Variants in MED12L observed in about 807,000 individuals in gnomAD.
The protein encoded by MED12L is mediator of RNA polymerase II transcription subunit 12-like protein.
In MED12L, 60 loss-of-function variants were observed where a neutral mutation model predicts 281.3. The ratio of observed to expected loss-of-function variants is 0.21; its 90% CI spans 0.17 to 0.26. MED12L has a LOEUF of 0.26. Ranked by LOEUF, MED12L falls within the 10% of genes least tolerant of loss-of-function variation. The pLI, the probability that MED12L is intolerant of heterozygous loss-of-function variation, is 1.00. For synonymous variants in MED12L, 974 were observed against 987.2 expected, an observed-to-expected ratio of 0.99 and a Z score of 0.25; for missense variants, 2,146 against 2,680.9, an observed-to-expected ratio of 0.80 and a Z score of 4.41.
intron 2 of MED12L, among the ~76,000 whole-genome samples, chr3:151,111,523 C>T (rs1711893775): frequency 6.6e-6 from 1 of 152,168 alleles, no homozygotes; most frequent in Non-Finnish European, 1.5e-5. Flanking sequence ...ATTGCAGACC[C>T]TGGGCTCTTA....
At chr3:151,185,240 A>C (rs1723119923) in intron 11 of MED12L, 90 bp from the exon 12 acceptor site, 1 of 1,256,382 alleles carries the variant, frequency 8.0e-7, no homozygotes, top group East Asian at 2.5e-5. Flanking sequence ...AAAGCTTTAA[A>C]GTGTTAGATA....
chr3:151,382,178 G>T (rs554985459), intron 32 of MED12L, among the ~76,000 whole-genome samples: 1 of 151,982 alleles, frequency 6.6e-6, no homozygotes, highest in Non-Finnish European at 1.5e-5. Context: ...TCAAAGTACC[G>T]TGCGTTCTCT....
At chr3:151,238,978 T>C (rs1445090343) in intron 16 of MED12L, among the ~76,000 whole-genome samples, 1 of 152,176 alleles carries the variant, frequency 6.6e-6, no homozygotes, top group Non-Finnish European at 1.5e-5. Context: ...CTGAATGAAC[T>C]GAGAGACAAT....
intron 26 of MED12L, among the ~76,000 whole-genome samples, chr3:151,371,113 G>T (rs772241504): frequency 2.2e-4 from 33 of 152,134 alleles, no homozygotes; most frequent in Non-Finnish European, 4.1e-4. Flanking sequence ...CTCCTAGTAT[G>T]GGGCTAGCAG....
At chr3:151,181,576 C>CTTTTTTTTTTT (rs57658133) in intron 11 of MED12L, among the ~76,000 whole-genome samples, 4 of 47,078 alleles carry the variant, frequency 8.5e-5, no homozygotes, top group Non-Finnish European at 8.3e-5. Context: ...AGCTCATTGT[C>CTTTTTTTTTTT]TTTTTTTTTT....
chr3:151,397,855 A>G (rs1715182362), intron 39 of MED12L, among the ~76,000 whole-genome samples: 1 of 152,200 alleles, frequency 6.6e-6, no homozygotes, highest in Non-Finnish European at 1.5e-5. Context: ...AAATATAACA[A>G]ACATATTAGA....
chr3:151,334,279 A>G (rs1750714582), intron 16 of MED12L, among the ~76,000 whole-genome samples: 1 of 141,994 alleles, frequency 7.0e-6, no homozygotes, highest in South Asian at 2.1e-4. Flanking sequence ...GCGATTTCTC[A>G]CTACCTATTG....
intron 16 of MED12L, among the ~76,000 whole-genome samples, chr3:151,288,209 T>C (rs1743800945): frequency 6.6e-6 from 1 of 152,270 alleles, no homozygotes. Flanking sequence ...CTTTATAGCA[T>C]GCAAAGTATG....
At chr3:151,377,462 T>C (rs1467104309) in intron 30 of MED12L, among the ~76,000 whole-genome samples, 1 of 152,202 alleles carries the variant, frequency 6.6e-6, no homozygotes, top group African/African-American at 2.4e-5. Flanking sequence ...ATTCATTATA[T>C]GGGAAACGCT....
intron 2 of MED12L, among the ~76,000 whole-genome samples, chr3:151,109,088 C>T (rs187424568): frequency 3.9e-3 from 592 of 150,378 alleles, no homozygotes; most frequent in African/African-American, 8.9e-3. Context: ...GATGGAGTCT[C>T]GCTCTGTCGC....
rs63035061 is a variant in MED12L, at chr3:151,273,227, CT to C, written c.2251-76811del. ...TGACAGCAATAAACATTGTTGTGTT[CT>C]TTTTTTTTTTTTTTTTTTTTGAGAT... On this transcript the variant is annotated intron_variant, in intron 16 of 44. Coordinates refer to ENST00000687756, the MANE Select transcript of MED12L (RefSeq NM_001393769.1). Among the ~76,000 whole-genome samples the C allele has an allele frequency of 7.8e-3, 826 of 106,162 alleles. 3 individuals are homozygous for C. The highest frequency in any genetic ancestry group is 0.022 in the African/African-American group (646 of 28,860). The allele number at this position is 106,162 out of a possible 152,430, so 69.6% of individuals were successfully genotyped here.
intron 6 of MED12L, 78 bp from the exon 7 acceptor site, chr3:151,158,611 T>G (rs1719589160): frequency 1.2e-6 from 1 of 865,748 alleles, no homozygotes; most frequent in South Asian, 1.5e-5. Flanking sequence ...ACAGTTAGAC[T>G]TAAGCATAAG....
chr3:151,220,666 G>C (rs1277159282), intron 16 of MED12L, among the ~76,000 whole-genome samples: 1 of 152,190 alleles, frequency 6.6e-6, no homozygotes, highest in Admixed American at 6.5e-5. Flanking sequence ...CTCTTCTCTT[G>C]TCTGCTGCCA....
intron 13 of MED12L, among the ~76,000 whole-genome samples, chr3:151,190,162 C>A (rs2700469): frequency 0.99 from 150,050 of 152,102 alleles, 74,017 homozygotes; most frequent in East Asian, 1. Context: ...AATGGGTATT[C>A]AGGACTACTA....
At position 151,315,124 on chromosome 3, in the gene MED12L, G is replaced by T. The variant is rs147814629; in HGVS notation, c.2251-34935G>T. Among the ~76,000 whole-genome samples, 133 of 152,226 alleles carry T rather than the reference G, an allele frequency of 8.7e-4. No homozygotes were observed. The East Asian group carries it at 0.021, about 24-fold the overall frequency. On this transcript the variant is annotated intron_variant, in intron 16 of 44. Transcript: ENST00000687756. ...TGAGGGATTTTCATGGATTTTCCAG[G>T]CTTTTCTTATTTCAGGAGCATACAA...
intron 2 of MED12L, among the ~76,000 whole-genome samples, chr3:151,102,595 A>G (rs1461959656): frequency 1.3e-5 from 2 of 152,110 alleles, no homozygotes; most frequent in Non-Finnish European, 2.9e-5. Flanking sequence ...CAATCCTTCC[A>G]TCTTTGCCTC....
chr3:151,412,752 T>C (rs1265891044), intron 41 of MED12L, among the ~76,000 whole-genome samples: 1 of 152,212 alleles, frequency 6.6e-6, no homozygotes, highest in East Asian at 1.9e-4. Flanking sequence ...GCTCTGTTTT[T>C]TCATTTTTAA....
At chr3:151,398,803 T>A (rs1715295046) in intron 39 of MED12L, among the ~76,000 whole-genome samples, 1 of 152,212 alleles carries the variant, frequency 6.6e-6, no homozygotes, top group Non-Finnish European at 1.5e-5. Context: ...CCAAACCTGA[T>A]ATGGACCATG....
rs1289753797 is a variant in MED12L at position 151,294,157 on chromosome 3, A to G, written c.2251-55902A>G. ...ACTTTGTACATATCGATTCCAACAA[A>G]CAATAAAAGGCCTACACATCAGTGT... On this transcript the variant is annotated intron_variant, in intron 16 of 44. Transcript: ENST00000687756. The G allele has an allele frequency of 2.1e-6, 3 of 1,460,442 alleles. No homozygotes were observed. In the East Asian group the frequency reaches 6.8e-5, roughly 33 times the overall value. 90.5% of individuals were successfully genotyped at this position (1,460,442 alleles called of 1,614,324 possible). A position where few individuals can be genotyped will look rare whatever the true frequency, so the allele number is the denominator to read the frequency against.
Sources: allele counts gnomAD v4.1 joint callset (sites outside exome capture counted in the v4.1 genomes callset), GRCh38; gene constraint gnomAD v4.1.1; transcripts MANE v1.5; gene names NCBI Gene and HGNC (gene_info 2026-07-23, HGNC 2026-07-21).